COX7B2: variants seen among roughly 807,000 people sequenced by gnomAD.
The protein encoded by COX7B2 is cytochrome c oxidase subunit 7B2, also known as cytochrome c oxidase subunit 7B2, mitochondrial.
For synonymous variants in COX7B2, 37 were observed against 32.1 expected, an observed-to-expected ratio of 1.15 and a Z score of -0.51; for missense variants, 109 against 95.9, an observed-to-expected ratio of 1.14 and a Z score of -0.57.
At chr4:46,894,732 C>G (rs1043313298) in intron 1 of COX7B2, among the ~76,000 whole-genome samples, 1 of 152,092 alleles carries the variant, frequency 6.6e-6, no homozygotes, top group East Asian at 1.9e-4. Flanking sequence ...TATTTGCAAA[C>G]TACGCATCTG....
At chr4:46,856,517 C>A (rs1171440060) in intron 1 of COX7B2, among the ~76,000 whole-genome samples, 1 of 152,138 alleles carries the variant, frequency 6.6e-6, no homozygotes, top group Non-Finnish European at 1.5e-5. Context: ...ACTGCAAAGT[C>A]CAGTTTCTAT....
At chr4:46,823,622 G>T (rs1300911875) in intron 2 of COX7B2, among the ~76,000 whole-genome samples, 2 of 151,092 alleles carry the variant, frequency 1.3e-5, no homozygotes, top group African/African-American at 4.8e-5. Flanking sequence ...GTATTAGAAA[G>T]AAATTTATAT....
chr4:46,887,111 GAA>G (rs1719126165), intron 1 of COX7B2, among the ~76,000 whole-genome samples: 1 of 152,196 alleles, frequency 6.6e-6, no homozygotes, highest in Admixed American at 6.5e-5. Context: ...AAAAAAGAAA[GAA>G]GAGAGGGAAC....
At chr4:46,787,176 G>A (rs553686796) in intron 2 of COX7B2, among the ~76,000 whole-genome samples, 55 of 152,278 alleles carry the variant, frequency 3.6e-4, no homozygotes, top group African/African-American at 1.1e-3. Context: ...AGGCAGGTGC[G>A]GTGGCTCACG....
At chr4:46,909,081 C>G (rs1289561377) in intron 1 of COX7B2, 79 bp downstream of exon 1, 1 of 151,974 alleles carries the variant, frequency 6.6e-6, no homozygotes, top group Non-Finnish European at 1.5e-5. Context: ...TTCCTGATAA[C>G]TGTTAGAGCA....
Position 46,735,179 on chromosome 4 carries a change from A to G in COX7B2, c.14T>C (p.Leu5Ser). The G allele has an allele frequency of 1.2e-6, 2 of 1,613,296 alleles. No individual in the cohort carries two copies. Among genetic ancestry groups the G allele is most frequent in the Non-Finnish European group, 1.7e-6 (2 of 1,179,764 alleles). ...GAGACTGCTTAGTGCATTTCTGGCC[A>G]AGGGAAACATCATGAAGGATTGCAG... MMFP[L>S]ARNALSSLKI... Residue 5 changes from leucine (L) to serine (S), a missense_variant, in exon 3 of 3, where the codon TTG (leucine) becomes TCG (serine). Leu to Ser is a moderately radical substitution (Grantham distance 145). Coordinates refer to ENST00000355591, the MANE Select transcript of COX7B2 (RefSeq NM_130902.3).
chr4:46,887,790 T>C (rs533511760), intron 1 of COX7B2, among the ~76,000 whole-genome samples: 1 of 148,922 alleles, frequency 6.7e-6, no homozygotes, highest in Admixed American at 6.7e-5. Flanking sequence ...GCATCCCAAC[T>C]AGGCAAGCAG....
chr4:46,901,943 T>C (rs1720091100), intron 1 of COX7B2, among the ~76,000 whole-genome samples: 1 of 152,218 alleles, frequency 6.6e-6, no homozygotes, highest in South Asian at 2.1e-4. Context: ...CTATCAGCTT[T>C]CTTGGTTCCC....
At chr4:46,849,323 C>A (rs1377364673) in intron 1 of COX7B2, among the ~76,000 whole-genome samples, 1 of 152,104 alleles carries the variant, frequency 6.6e-6, no homozygotes, top group Non-Finnish European at 1.5e-5. Flanking sequence ...AGTAATATCT[C>A]TGACATTGTG....
At chr4:46,870,617 T>C (rs1717930285) in intron 1 of COX7B2, among the ~76,000 whole-genome samples, 1 of 151,996 alleles carries the variant, frequency 6.6e-6, no homozygotes, top group Admixed American at 6.6e-5. Flanking sequence ...TGCCAGCTGA[T>C]AAACAACATC....
At chr4:46,798,962 C>A (rs1718508162) in intron 2 of COX7B2, among the ~76,000 whole-genome samples, 1 of 152,124 alleles carries the variant, frequency 6.6e-6, no homozygotes, top group Admixed American at 6.6e-5. Context: ...CTAAGAGACC[C>A]CCAATTAAAT....
intron 1 of COX7B2, among the ~76,000 whole-genome samples, chr4:46,870,418 C>G (rs1717915927): frequency 6.6e-6 from 1 of 152,056 alleles, no homozygotes; most frequent in African/African-American, 2.4e-5. Context: ...CTTTTGAAAG[C>G]CAGCACAAGA....
intron 2 of COX7B2, among the ~76,000 whole-genome samples, chr4:46,820,838 T>A (rs58403837): frequency 0.11 from 15,888 of 140,320 alleles, 1,279 homozygotes; most frequent in East Asian, 0.26. Flanking sequence ...AAAAAAAATA[T>A]ATATATATAT....
At chr4:46,791,819 A>G (rs2109587823) in intron 2 of COX7B2, among the ~76,000 whole-genome samples, 1 of 152,328 alleles carries the variant, frequency 6.6e-6, no homozygotes. Context: ...GGATCCCTGT[A>G]TCTGTTGATT....
intron 1 of COX7B2, among the ~76,000 whole-genome samples, chr4:46,873,353 T>G (rs1718124055): frequency 6.6e-6 from 1 of 152,238 alleles, no homozygotes; most frequent in Non-Finnish European, 1.5e-5. Flanking sequence ...ATGGGATTGC[T>G]GAGTCAAATG....
intron 1 of COX7B2, among the ~76,000 whole-genome samples, chr4:46,892,695 A>G (rs1268712822): frequency 6.6e-6 from 1 of 152,188 alleles, no homozygotes; most frequent in Non-Finnish European, 1.5e-5. Context: ...TCAGAAAATA[A>G]GGAGTGAAAT....
At chr4:46,902,760 C>T (rs896488205) in intron 1 of COX7B2, among the ~76,000 whole-genome samples, 1 of 152,122 alleles carries the variant, frequency 6.6e-6, no homozygotes, top group Non-Finnish European at 1.5e-5. Context: ...ACCTGTAATC[C>T]CAGCTACTCG....
intron 1 of COX7B2, among the ~76,000 whole-genome samples, chr4:46,874,550 A>G (rs1718202579): frequency 6.6e-6 from 1 of 152,182 alleles, no homozygotes; most frequent in Admixed American, 6.6e-5. Flanking sequence ...CATCATATCA[A>G]TTCTCTTGTG....
intron 2 of COX7B2, among the ~76,000 whole-genome samples, chr4:46,798,973 G>A (rs80154733): frequency 6.6e-6 from 1 of 152,238 alleles, no homozygotes; most frequent in African/African-American, 2.4e-5. Context: ...CCAATTAAAT[G>A]TCTTCTACTC....
Sources: gnomAD v4.1 joint callset for allele counts (sites outside exome capture counted in the v4.1 genomes callset) on GRCh38, gnomAD v4.1.1 for gene constraint, MANE v1.5 for transcripts, NCBI Gene and HGNC (gene_info 2026-07-23, HGNC 2026-07-21) for gene names.